RSPO4: variants seen among roughly 807,000 people sequenced by gnomAD.
The protein encoded by RSPO4 is R-spondin 4.
Under a neutral mutation model 24.8 loss-of-function variants are expected in RSPO4, and 23 were observed. The observed-to-expected ratio is 0.93, with a 90% CI of 0.67 to 1.31. The LOEUF is 1.31. RSPO4 is among the 40% of genes most tolerant of loss of function. RSPO4 has a pLI of 0.00. For synonymous variants in RSPO4, 141 were observed against 127.4 expected, an observed-to-expected ratio of 1.11 and a Z score of -0.72; for missense variants, 333 against 316.5, an observed-to-expected ratio of 1.05 and a Z score of -0.39.
rs1187254646 is a variant in RSPO4, at chr20:1,002,148, C to A, written c.17G>T (p.Cys6Phe). The change falls in exon 1 of 5, where the codon TGC becomes TTC. Residue 6 changes from cysteine (C) to phenylalanine (F), a missense_variant. Transcript: ENST00000217260. The surrounding 1 kb of genome is among the most constrained non-coding windows in gnomAD (Gnocchi z 4.6). MRAPL[C>F]LLLLVAHAVD... ...GGCGTGGGCGACGAGCAGGAGCAGG[C>A]AGAGTGGCGCCCGCATCTGGGCAGC... 2 of 1,558,630 alleles carry A rather than the reference C, an allele frequency of 1.3e-6. No homozygotes were observed. The highest frequency in any genetic ancestry group is 8.7e-7 in the Non-Finnish European group (1 of 1,151,536).
chr20:991,958 A>C (rs1030701679), intron 1 of RSPO4, among the ~76,000 whole-genome samples: 2 of 152,170 alleles, frequency 1.3e-5, no homozygotes, highest in East Asian at 3.9e-4. Flanking sequence ...CTGTGAATTA[A>C]GGAGTCCGAT....
chr20:986,390 G>T (rs1269045670), intron 1 of RSPO4, among the ~76,000 whole-genome samples: 1 of 152,042 alleles, frequency 6.6e-6, no homozygotes, highest in African/African-American at 2.4e-5. Flanking sequence ...CCAACATACA[G>T]GGGAGAAATC....
At chr20:985,747 A>G (rs558374692) in intron 1 of RSPO4, among the ~76,000 whole-genome samples, 2 of 152,302 alleles carry the variant, frequency 1.3e-5, no homozygotes, top group Non-Finnish European at 2.9e-5. Context: ...CCAGTTTCTA[A>G]AGAGGATCTA....
At chr20:972,713 G>A (rs1984445270) in intron 1 of RSPO4, among the ~76,000 whole-genome samples, 1 of 152,132 alleles carries the variant, frequency 6.6e-6, no homozygotes, top group African/African-American at 2.4e-5. Context: ...CCTTTCTGAC[G>A]CACACATTGA....
At chr20:961,721 G>A (rs1984005125) in intron 4 of RSPO4, among the ~76,000 whole-genome samples, 1 of 152,006 alleles carries the variant, frequency 6.6e-6, no homozygotes, top group Non-Finnish European at 1.5e-5. Flanking sequence ...GTGGCTTTGT[G>A]TCCCTACCCC....
intron 1 of RSPO4, among the ~76,000 whole-genome samples, chr20:982,690 G>A (rs191127718): frequency 9.6e-4 from 146 of 152,306 alleles, no homozygotes; most frequent in African/African-American, 3.3e-3. Context: ...GGGTAGGTCT[G>A]TTGCCTCTCG....
intron 3 of RSPO4, among the ~76,000 whole-genome samples, chr20:964,709 CAT>C (rs537350471): frequency 4.6e-4 from 68 of 146,516 alleles, no homozygotes; most frequent in African/African-American, 1.5e-3. Flanking sequence ...CACACACACA[CAT>C]ATATATATAC....
intron 1 of RSPO4, among the ~76,000 whole-genome samples, chr20:974,324 C>A (rs1984498171): frequency 6.6e-6 from 1 of 152,238 alleles, no homozygotes; most frequent in Admixed American, 6.5e-5. Context: ...TAACCAATGG[C>A]TGTCTCTTCC....
intron 1 of RSPO4, among the ~76,000 whole-genome samples, chr20:993,204 C>T (rs892425442): frequency 6.6e-6 from 1 of 152,196 alleles, no homozygotes; most frequent in Non-Finnish European, 1.5e-5. Flanking sequence ...ACCCCCTCCG[C>T]AATGGCACAT....
chr20:976,723 G>A (rs1984575992), intron 1 of RSPO4, among the ~76,000 whole-genome samples: 1 of 152,088 alleles, frequency 6.6e-6, no homozygotes, highest in Non-Finnish European at 1.5e-5. Flanking sequence ...TCCTAGGCAA[G>A]CTCGTCTCCT....
At chr20:975,377 G>A (rs77557551) in intron 1 of RSPO4, among the ~76,000 whole-genome samples, 1,832 of 152,278 alleles carry the variant, frequency 0.012, 16 homozygotes, top group Non-Finnish European at 0.018. Context: ...GGCCATCACA[G>A]TGGATGGCAG....
In RSPO4 at chr20:962,526, G is replaced by A. The variant is rs1023381658; in HGVS notation, c.595+1409C>T. 2.6e-5 allele frequency among the ~76,000 whole-genome samples: 4 copies of A among 152,316 alleles called. 1 individual carries two copies. ...TGAGAGGTGCCATGTGGTAATGAGT[G>A]CAGAAGAACTGTCTGCCTCCTGTGT... is the stretch of plus-strand genomic sequence containing the variant. On this transcript the variant is annotated intron_variant, in intron 4 of 4. Transcript: ENST00000217260.
In RSPO4 at chr20:960,300, C is replaced by T. The variant is rs549138091; in HGVS notation, c.*57G>A. The T allele has an allele frequency of 1.9e-6, 2 of 1,065,438 alleles. No individual in the cohort carries two copies. The highest frequency in any genetic ancestry group is 1.3e-5 in the South Asian group (1 of 74,620). The allele number at this position is 1,065,438 out of a possible 1,614,324, so 66.0% of individuals were successfully genotyped here. The stretch of plus-strand genomic sequence containing the variant: ...AGTAAGAGGAGAGGAGGAGAAGGAG[C>T]AGGAGGAGGTGTGCAGGGGCCGAGG... On this transcript the variant is annotated 3_prime_UTR_variant, in exon 5 of 5. Coordinates refer to ENST00000217260, the MANE Select transcript of RSPO4 (RefSeq NM_001029871.4).
rs1387958618 is a variant in RSPO4 at position 968,142 on chromosome 20, C to A, written c.80-4G>T. 5.0e-6 allele frequency: 8 copies of A among 1,613,522 alleles called. No individual in the cohort carries two copies. Among genetic ancestry groups the A allele is most frequent in the Non-Finnish European group, 6.8e-6 (8 of 1,179,646 alleles). On this transcript the variant is annotated splice_region_variant and splice_polypyrimidine_tract_variant and intron_variant, in intron 1 of 4. Transcript: ENST00000217260. Reference sequence around the variant, plus strand: ...TTGCCCCCCAGGCCAGTGCCCACTGCCCACAAGACCAGGGCAGAAGGAGGG... The same window carrying A: ...TTGCCCCCCAGGCCAGTGCCCACTGACCACAAGACCAGGGCAGAAGGAGGG...
intron 1 of RSPO4, among the ~76,000 whole-genome samples, chr20:995,402 G>A (rs951420527): frequency 2.6e-5 from 4 of 152,136 alleles, no homozygotes; most frequent in African/African-American, 9.7e-5. Context: ...TCTTCTGTAA[G>A]CTGGCGGTAG....
At chr20:971,133 C>T (rs1419219181) in intron 1 of RSPO4, among the ~76,000 whole-genome samples, 3 of 152,250 alleles carry the variant, frequency 2.0e-5, no homozygotes, top group Non-Finnish European at 2.9e-5. Flanking sequence ...TGAGCCACCA[C>T]GACTGGCCTG....
intron 1 of RSPO4, among the ~76,000 whole-genome samples, chr20:974,938 G>T (rs1984518210): frequency 6.6e-6 from 1 of 152,142 alleles, no homozygotes; most frequent in Non-Finnish European, 1.5e-5. Flanking sequence ...AGTAGAGAGA[G>T]AAAAATAAAT....
At chr20:996,518 T>C (rs1948952038) in intron 1 of RSPO4, among the ~76,000 whole-genome samples, 1 of 152,224 alleles carries the variant, frequency 6.6e-6, no homozygotes, top group Non-Finnish European at 1.5e-5. Flanking sequence ...AGAGGTCTTG[T>C]CCATGATGTT....
At chr20:973,000 G>A (rs891303636) in intron 1 of RSPO4, among the ~76,000 whole-genome samples, 2 of 152,218 alleles carry the variant, frequency 1.3e-5, no homozygotes, top group Non-Finnish European at 2.9e-5. Context: ...CTGACATGGC[G>A]TTGCTGCCCA....
Sources: gnomAD v4.1 joint callset for allele counts (sites outside exome capture counted in the v4.1 genomes callset) on GRCh38, gnomAD v4.1.1 for gene constraint, Gnocchi (gnomAD v3.1) non-coding constraint, MANE v1.5 for transcripts, NCBI Gene and HGNC (gene_info 2026-07-23, HGNC 2026-07-21) for gene names.